The following CTNNA3 variants were observed in gnomAD, a reference collection of about 807,000 sequenced individuals.
The protein encoded by CTNNA3 is catenin alpha 3.
In CTNNA3, 76 loss-of-function variants were observed where a neutral mutation model predicts 95.7. The ratio of observed to expected loss-of-function variants is 0.79; its 90% CI spans 0.66 to 0.96. The LOEUF is 0.96. CTNNA3 is among the 40% of genes least tolerant of loss of function. CTNNA3 has a pLI of 0.00. For synonymous variants in CTNNA3, 431 were observed against 374.4 expected (o/e 1.15, Z -1.74); for missense variants, 1,191 against 1,089.8 (o/e 1.09, Z -1.31).
intron 7 of CTNNA3, among the ~76,000 whole-genome samples, chr10:66,922,813 T>C (rs1371463333): frequency 6.6e-6 from 1 of 152,256 alleles, no homozygotes; most frequent in Non-Finnish European, 1.5e-5. Context: ...ATTTTTATTT[T>C]ATTTTTTATT....
At chr10:66,820,804 T>G (rs1842281843) in intron 7 of CTNNA3, among the ~76,000 whole-genome samples, 1 of 152,112 alleles carries the variant, frequency 6.6e-6, no homozygotes, top group Non-Finnish European at 1.5e-5. Context: ...AACTAGTTTA[T>G]AACTTCTGAT....
chr10:66,495,132 T>C (rs1247802647), intron 11 of CTNNA3, among the ~76,000 whole-genome samples: 2 of 152,196 alleles, frequency 1.3e-5, no homozygotes, highest in African/African-American at 4.8e-5. Flanking sequence ...TATTTATCAG[T>C]ATATTAACAT....
At chr10:66,103,413 A>G (rs2081735088) in intron 13 of CTNNA3, among the ~76,000 whole-genome samples, 164 bp from the exon 14 acceptor site, 1 of 152,214 alleles carries the variant, frequency 6.6e-6, no homozygotes. Context: ...ATGTCCACAC[A>G]AATACGTATA....
chr10:66,235,321 A>G (rs1451445506), intron 13 of CTNNA3, among the ~76,000 whole-genome samples: 5 of 151,822 alleles, frequency 3.3e-5, no homozygotes, highest in Non-Finnish European at 7.4e-5. Context: ...TAGTTTTTAA[A>G]GGTATTATCT....
At chr10:66,122,289 T>C (rs1285299101) in intron 13 of CTNNA3, among the ~76,000 whole-genome samples, 1 of 152,146 alleles carries the variant, frequency 6.6e-6, no homozygotes, top group East Asian at 1.9e-4. Flanking sequence ...CATTACCTAC[T>C]TCCCAAATTG....
At chr10:66,889,231 G>A (rs1328069590) in intron 7 of CTNNA3, among the ~76,000 whole-genome samples, 3 of 152,142 alleles carry the variant, frequency 2.0e-5, no homozygotes, top group Non-Finnish European at 4.4e-5. Flanking sequence ...TAGGAGAGAG[G>A]GATGAATAGG....
chr10:67,298,540 C>T (rs570556102), intron 5 of CTNNA3, among the ~76,000 whole-genome samples: 10 of 152,194 alleles, frequency 6.6e-5, no homozygotes, highest in East Asian at 3.9e-4. Flanking sequence ...CCTGTTAGGC[C>T]GAATTAGCAT....
chr10:66,571,120 T>C (rs1842855461), intron 10 of CTNNA3, among the ~76,000 whole-genome samples: 1 of 152,222 alleles, frequency 6.6e-6, no homozygotes, highest in African/African-American at 2.4e-5. Flanking sequence ...AAGGCTTGAC[T>C]AGTGTGTATT....
chr10:66,287,096 T>G (rs1037568731), intron 12 of CTNNA3, among the ~76,000 whole-genome samples: 3 of 152,008 alleles, frequency 2.0e-5, no homozygotes, highest in African/African-American at 7.2e-5. Flanking sequence ...AAATCCTGTC[T>G]CTTGGACACG....
At chr10:66,174,759 T>C (rs1021385110) in intron 13 of CTNNA3, among the ~76,000 whole-genome samples, 4 of 152,094 alleles carry the variant, frequency 2.6e-5, no homozygotes, top group African/African-American at 9.7e-5. Flanking sequence ...CAATCCCCCA[T>C]GTATACTGAG....
rs1222406817 is a variant in CTNNA3, at chr10:67,008,850, G to A, written c.1047+171467C>T. ...TTTGTTTACCTTATTGTTTTTCAGT[G>A]TTTTCTTGTTTTAATTTTCCTTAAT... On this transcript the variant is annotated intron_variant, in intron 7 of 17. Coordinates refer to ENST00000433211, the MANE Select transcript of CTNNA3 (RefSeq NM_013266.4). Among the ~76,000 whole-genome samples, 4 of 152,170 alleles carry A rather than the reference G, an allele frequency of 2.6e-5. No individual in the cohort carries two copies. The East Asian group carries it at 5.8e-4, about 22-fold the overall frequency.
At chr10:67,373,950 T>G (rs980151409) in intron 5 of CTNNA3, among the ~76,000 whole-genome samples, 1 of 152,158 alleles carries the variant, frequency 6.6e-6, no homozygotes, top group Non-Finnish European at 1.5e-5. Context: ...GTCAGGCACT[T>G]AGTTGTAATG....
rs1925578 is a variant in CTNNA3, at chr10:67,065,189, G to T, written c.1047+115128C>A. Among the ~76,000 whole-genome samples, 28 of 151,920 alleles carry T rather than the reference G, an allele frequency of 1.8e-4. 1 individual carries two copies. The South Asian group carries it at 5.2e-3, about 28-fold the overall frequency. On this transcript the variant is annotated intron_variant, in intron 7 of 17. Transcript: ENST00000433211. ...TATTTATTTTTTCCTAGAAAAAAAG[G>T]GTATTTGACACATATCGGGAGACAC...
chr10:67,197,649 T>G (rs1190450711), intron 6 of CTNNA3, among the ~76,000 whole-genome samples: 1 of 152,098 alleles, frequency 6.6e-6, no homozygotes, highest in Non-Finnish European at 1.5e-5. Flanking sequence ...AGCACTGCTG[T>G]TTAAGGATTG....
At chr10:66,551,282 G>C (rs1842207813) in intron 10 of CTNNA3, among the ~76,000 whole-genome samples, 1 of 151,822 alleles carries the variant, frequency 6.6e-6, no homozygotes, top group Admixed American at 6.6e-5. Flanking sequence ...TTGTTTCCCT[G>C]TCTTCTGACC....
intron 2 of CTNNA3, among the ~76,000 whole-genome samples, chr10:67,628,797 AT>A (rs146962866): frequency 0.019 from 2,836 of 152,220 alleles, 93 homozygotes; most frequent in African/African-American, 0.065. Flanking sequence ...ATCTTTGTCA[AT>A]TGTTTATTTA....
intron 11 of CTNNA3, among the ~76,000 whole-genome samples, chr10:66,392,137 A>G (rs927210728): frequency 6.6e-5 from 10 of 152,122 alleles, no homozygotes; most frequent in African/African-American, 2.4e-4. Flanking sequence ...GACACTTAAA[A>G]GAATAAAAAG....
chr10:66,190,356 G>C lies in CTNNA3; in HGVS notation c.1885-87107C>G, dbSNP rs189109029. 7.2e-5 allele frequency among the ~76,000 whole-genome samples: 11 copies of C among 152,224 alleles called. No homozygotes were observed. In the East Asian group the frequency reaches 1.9e-3, roughly 27 times the overall value. On this transcript the variant is annotated intron_variant, in intron 13 of 17. Transcript: ENST00000433211. ...AGGGGAACAGTATTGAATCTTAGTT[G>C]ACATATAATTCAACTGATGGAAACG...
intron 10 of CTNNA3, among the ~76,000 whole-genome samples, chr10:66,521,157 G>C (rs79989007): frequency 0.026 from 3,989 of 151,186 alleles, 183 homozygotes; most frequent in African/African-American, 0.091. Context: ...ATATTGAAAA[G>C]TACAAAACGT....
Sources: allele counts gnomAD v4.1 joint callset (sites outside exome capture counted in the v4.1 genomes callset), GRCh38; gene constraint gnomAD v4.1.1; transcripts MANE v1.5; gene names NCBI Gene and HGNC (gene_info 2026-07-23, HGNC 2026-07-21).